TMEM204: variants seen among roughly 807,000 people sequenced by gnomAD.
TMEM204 encodes the protein transmembrane protein 204.
TMEM204 carries 15 observed loss-of-function variants against 19.4 expected under a neutral mutation model. The ratio of observed to expected loss-of-function variants is 0.77; its 90% CI spans 0.52 to 1.19. The LOEUF (loss-of-function observed/expected upper bound fraction) is 1.19, where lower values mean the gene tolerates loss of function less well. Among genes scored for constraint, TMEM204 ranks in the 50% most tolerant of loss-of-function variants. TMEM204 has a pLI of 0.00. For synonymous variants in TMEM204, 161 were observed against 146.0 expected (o/e 1.10, Z -0.74); for missense variants, 287 against 321.2 (o/e 0.89, Z 0.81).
intron 1 of TMEM204, 41 bp downstream of exon 1, chr16:1,534,596 G>C: frequency 6.3e-7 from 1 of 1,595,664 alleles, no homozygotes; most frequent in Admixed American, 1.7e-5. Context: ...GCGTGGCCGA[G>C]GCTCGAGGGC....
chr16:1,548,763 G>A (rs527953697), intron 2 of TMEM204, among the ~76,000 whole-genome samples: 1 of 152,212 alleles, frequency 6.6e-6, no homozygotes, highest in Admixed American at 6.5e-5. Context: ...GCTTCAGAAC[G>A]GCATCCACAG....
At chr16:1,538,086 A>C (rs8051295) in intron 1 of TMEM204, among the ~76,000 whole-genome samples, 1 of 152,064 alleles carries the variant, frequency 6.6e-6, no homozygotes, top group Non-Finnish European at 1.5e-5. Context: ...ACACCCAAGC[A>C]GTGAACGCCA....
chr16:1,545,743 T>C (rs1040355519), intron 2 of TMEM204, among the ~76,000 whole-genome samples: 1 of 152,090 alleles, frequency 6.6e-6, no homozygotes, highest in African/African-American at 2.4e-5. Flanking sequence ...AAAGCCAGAG[T>C]GCAGCACACT....
At chr16:1,544,052 C>CT (rs1173041573) in intron 2 of TMEM204, among the ~76,000 whole-genome samples, 1 of 149,194 alleles carries the variant, frequency 6.7e-6, no homozygotes, top group Non-Finnish European at 1.5e-5. Context: ...GAGTCTTGCT[C>CT]TGTCACCCAT....
At position 1,549,932 on chromosome 16, in the gene TMEM204, A is replaced by T. The variant is rs146715563; in HGVS notation, c.437-4850A>T. ...GTTGCGTGTGGACATGTGAACTCATACTTCTTTAATCAGTTTATCTACATT... is the reference window on the plus strand; with the variant it reads ...GTTGCGTGTGGACATGTGAACTCATTCTTCTTTAATCAGTTTATCTACATT... On this transcript the variant is annotated intron_variant, in intron 2 of 2. Transcript: ENST00000566264. Among the ~76,000 whole-genome samples the T allele has an allele frequency of 2.1e-3, 326 of 152,228 alleles. 1 individual carries two copies. The highest frequency in any genetic ancestry group is 7.2e-3 in the African/African-American group (299 of 41,528).
intron 2 of TMEM204, among the ~76,000 whole-genome samples, chr16:1,544,838 CG>C (rs1344904958): frequency 2.0e-5 from 3 of 149,498 alleles, no homozygotes; most frequent in Non-Finnish European, 4.5e-5. Flanking sequence ...TTAGTAGAGA[CG>C]GGGTTTCACC....
intron 2 of TMEM204, among the ~76,000 whole-genome samples, chr16:1,547,616 A>G (rs1447525557): frequency 6.6e-6 from 1 of 152,124 alleles, no homozygotes; most frequent in African/African-American, 2.4e-5. Flanking sequence ...GGTTCAATAT[A>G]AGTTCCGCCT....
chr16:1,539,828 T>C (rs1411901578), intron 1 of TMEM204, among the ~76,000 whole-genome samples: 2 of 152,164 alleles, frequency 1.3e-5, no homozygotes, highest in African/African-American at 4.8e-5. Flanking sequence ...CATGGTGCCA[T>C]GTGCTGGCTG....
At chr16:1,550,059 T>A (rs1261094926) in intron 2 of TMEM204, among the ~76,000 whole-genome samples, 2 of 152,090 alleles carry the variant, frequency 1.3e-5, no homozygotes, top group Non-Finnish European at 2.9e-5. Context: ...GGGCTCAGCC[T>A]CCTGAATAGC....
chr16:1,531,144 G>A (rs991370226), upstream of TMEM204: 1 of 152,246 alleles, frequency 6.6e-6, no homozygotes, highest in Non-Finnish European at 1.5e-5. This position sits in a 1 kb window ranked among gnomAD's most constrained non-coding sequence, Gnocchi z 4.7. Context: ...GGGGTTCTGG[G>A]GTTTGTGCAT....
chr16:1,551,499 G>A lies in TMEM204; in HGVS notation c.437-3283G>A, dbSNP rs2032633262. Among the ~76,000 whole-genome samples, 1 of 152,178 alleles carries A rather than the reference G, an allele frequency of 6.6e-6. No individual in the cohort carries two copies. Among genetic ancestry groups the A allele is most frequent in the Non-Finnish European group, 1.5e-5 (1 of 68,018 alleles). ...CAGGGGAGACCCTAAGGCGATGGGA[G>A]CCACAAGGGTGCTGAGTGCTGGGGA... On this transcript the variant is annotated intron_variant, in intron 2 of 2. Coordinates refer to ENST00000566264, the MANE Select transcript of TMEM204 (RefSeq NM_024600.6). The surrounding 1 kb of genome is among the most constrained non-coding windows in gnomAD (Gnocchi z 4.0).
upstream of TMEM204, among the ~76,000 whole-genome samples, chr16:1,530,478 C>T (rs1248164437): frequency 1.3e-5 from 2 of 152,184 alleles, no homozygotes; most frequent in Admixed American, 6.5e-5. Context: ...CACCCTCTCC[C>T]GAGGCCCAGG....
In TMEM204 at chr16:1,555,215, C is replaced by T. The variant is rs113527598; in HGVS notation, c.*189C>T. The T allele has an allele frequency of 1.4e-5, 10 of 720,136 alleles. 1 individual carries two copies. Among genetic ancestry groups the T allele is most frequent in the African/African-American group, 1.8e-5 (1 of 55,940 alleles). The allele number at this position is 720,136 out of a possible 1,614,324, so 44.6% of individuals were successfully genotyped here. On this transcript the variant is annotated 3_prime_UTR_variant, in exon 3 of 3. Transcript: ENST00000566264. ...ATGTCGGTCATATGTCTGTACGTGT[C>T]GTGGGCCAACCTCGTTCTGCCTCCA...
chr16:1,540,096 T>C (rs1012198554), intron 1 of TMEM204, among the ~76,000 whole-genome samples: 5 of 152,118 alleles, frequency 3.3e-5, no homozygotes, highest in Non-Finnish European at 7.4e-5. Context: ...AGGAGCAGTG[T>C]GCCTCCAGGG....
At chr16:1,529,614 G>A (rs1022895321), upstream of TMEM204, among the ~76,000 whole-genome samples, 21 of 152,224 alleles carry the variant, frequency 1.4e-4, no homozygotes, top group African/African-American at 4.6e-4. Context: ...CCCTCAGGCT[G>A]TGCTGCCCTC....
chr16:1,542,026 C>T lies in TMEM204; in HGVS notation c.386C>T (p.Pro129Leu). 1.9e-6 allele frequency: 3 copies of T among 1,611,184 alleles called. No homozygotes were observed. In the East Asian group the frequency reaches 6.7e-5, roughly 36 times the overall value. ...LGLVGLPLLS[P>L]DAPCWEEAMA... ...CTGGTGGGCCTGCCCCTGCTGTCACCCGACGCCCCGTGCTGGGAGGAGGCC... is the reference window on the plus strand; with the variant it reads ...CTGGTGGGCCTGCCCCTGCTGTCACTCGACGCCCCGTGCTGGGAGGAGGCC... The change falls in exon 2 of 3, where the codon CCC becomes CTC. Residue 129 changes from proline to leucine, a missense_variant. Physicochemically the swap from Pro to Leu is moderately conservative, Grantham distance 98. Transcript: ENST00000566264.
rs2031271449 is a variant in TMEM204 at position 1,538,206 on chromosome 16, G to A, written c.280+3651G>A. On this transcript the variant is annotated intron_variant, in intron 1 of 2. Transcript: ENST00000566264. ...GTGGGTCTGTGGGTGCCCTTGTGGT[G>A]AGCCATGCACCCTGGGGACTTGGAG... Among the ~76,000 whole-genome samples, 3 of 152,210 alleles carry A rather than the reference G, an allele frequency of 2.0e-5. No homozygotes were observed. The South Asian group carries it at 6.2e-4, about 32-fold the overall frequency.
upstream of TMEM204, among the ~76,000 whole-genome samples, chr16:1,530,131 A>ATTTTTTTTTTTTTT (rs2030295926): frequency 7.9e-6 from 1 of 126,538 alleles, no homozygotes. Context: ...CACGACGGGA[A>ATTTTTTTTTTTTTT]TCTTTTTTTT....
rs1400995299 is a variant in TMEM204 at position 1,555,116 on chromosome 16, G to C, written c.*90G>C. The C allele has an allele frequency of 6.7e-7, 1 of 1,497,322 alleles. No homozygotes were observed. Among genetic ancestry groups the C allele is most frequent in the Non-Finnish European group, 8.9e-7 (1 of 1,121,764 alleles). 92.8% of individuals were successfully genotyped at this position (1,497,322 alleles called of 1,614,324 possible). A position where few individuals can be genotyped will look rare whatever the true frequency, so the allele number is the denominator to read the frequency against. On this transcript the variant is annotated 3_prime_UTR_variant, in exon 3 of 3. Coordinates refer to ENST00000566264, the MANE Select transcript of TMEM204 (RefSeq NM_024600.6). ...ACTCCACCACCAAGTCACTTCCCCT[G>C]CTCGTGCAGAGGCACGGGATGAGTC...
Sources: allele counts gnomAD v4.1 joint callset (sites outside exome capture counted in the v4.1 genomes callset), GRCh38; gene constraint gnomAD v4.1.1; non-coding constraint Gnocchi (gnomAD v3.1); transcripts MANE v1.5; gene names NCBI Gene and HGNC (gene_info 2026-07-23, HGNC 2026-07-21).